The following TENM2 variants were observed in gnomAD, a reference collection of about 807,000 sequenced individuals.
TENM2 encodes the protein teneurin-2.
TENM2 carries 52 observed loss-of-function variants against 245.2 expected under a neutral mutation model. The ratio of observed to expected loss-of-function variants is 0.21; its 90% CI spans 0.17 to 0.27. TENM2 has a LOEUF of 0.27. Ranked by LOEUF, TENM2 falls within the 10% of genes least tolerant of loss-of-function variation. TENM2 has a pLI of 1.00. For missense variants in TENM2, 3,046 were observed against 3,666.8 expected, an observed-to-expected ratio of 0.83 and a Z score of 4.37; for synonymous variants, 1,363 against 1,438.9, an observed-to-expected ratio of 0.95 and a Z score of 1.19.
At chr5:167,705,149 A>G (rs1203573344) in intron 2 of TENM2, among the ~76,000 whole-genome samples, 8 of 152,176 alleles carry the variant, frequency 5.3e-5, no homozygotes, top group Admixed American at 2.6e-4. Flanking sequence ...AGAAGACTGG[A>G]ACTTTTTATG....
chr5:168,249,698 G>A (rs1277122078), intron 27 of TENM2, among the ~76,000 whole-genome samples: 1 of 152,118 alleles, frequency 6.6e-6, no homozygotes, highest in Non-Finnish European at 1.5e-5. Context: ...AGTGAGAAAT[G>A]GGTGAAATGA....
chr5:168,072,161 A>G (rs181663363), intron 7 of TENM2, among the ~76,000 whole-genome samples: 3 of 152,338 alleles, frequency 2.0e-5, no homozygotes, highest in Admixed American at 6.5e-5. Flanking sequence ...TTGATAAACC[A>G]TTGCTAAAGA....
At chr5:167,156,660 A>G in the TENM2 span, among the ~76,000 whole-genome samples, 1 of 152,280 alleles carries the variant, frequency 6.6e-6, no homozygotes, top group East Asian at 1.9e-4. Context: ...CATAGTAGGT[A>G]CTGGCATGTG....
the TENM2 span, among the ~76,000 whole-genome samples, chr5:167,111,495 C>T: frequency 1.6e-4 from 24 of 152,262 alleles, no homozygotes; most frequent in South Asian, 4.2e-4. Context: ...GCACCTGTTG[C>T]GCAAAGAAAA....
In TENM2 at chr5:168,218,368, A is replaced by G. The variant is rs1010963697; in HGVS notation, c.4477A>G (p.Thr1493Ala). Residue 1493 changes from threonine to alanine, a missense_variant, in exon 23 of 29, where the codon ACA (threonine) becomes GCA (alanine). Physicochemically the swap from Thr to Ala is moderately conservative, Grantham distance 58. Transcript: ENST00000518659. This position sits in a 1 kb window ranked among gnomAD's most constrained non-coding sequence, Gnocchi z 5.2. ...CACTGGGGTCCTCTACATCACTGAG[A>G]CAGATGAGAAGAAGATTAACCGTCT... 1 of 1,614,056 alleles carries G rather than the reference A, an allele frequency of 6.2e-7. No individual in the cohort carries two copies. Among genetic ancestry groups the G allele is most frequent in the Non-Finnish European group, 8.5e-7 (1 of 1,179,904 alleles).
chr5:167,470,454 C>CTTTTTTTTTT (rs749016436), intron 2 of TENM2, among the ~76,000 whole-genome samples: 587 of 47,364 alleles, frequency 0.012, 83 homozygotes, highest in Non-Finnish European at 0.015. Flanking sequence ...GCAATGCTTG[C>CTTTTTTTTTT]TTTTTTTTTT....
chr5:167,935,253 T>C (rs1196014427), intron 3 of TENM2, among the ~76,000 whole-genome samples: 1 of 152,204 alleles, frequency 6.6e-6, no homozygotes, highest in African/African-American at 2.4e-5. Context: ...GTCTACTTCC[T>C]GGGACAAGCT....
At chr5:167,460,491 A>G (rs755241885) in intron 2 of TENM2, among the ~76,000 whole-genome samples, 1 of 152,262 alleles carries the variant, frequency 6.6e-6, no homozygotes, top group Admixed American at 6.5e-5. Context: ...TGCACTGAAG[A>G]TGCTGAGTGT....
intron 3 of TENM2, among the ~76,000 whole-genome samples, chr5:167,889,391 C>T (rs1774554527): frequency 6.6e-6 from 1 of 152,184 alleles, no homozygotes. Context: ...GTGGCATTCA[C>T]ACTTGACTAG....
In TENM2 at chr5:168,007,449, A is replaced by G. The variant is rs376486467; in HGVS notation, c.1186+14267A>G. 6.6e-5 allele frequency among the ~76,000 whole-genome samples: 10 copies of G among 152,174 alleles called. No homozygotes were observed. The East Asian group carries it at 1.4e-3, about 21-fold the overall frequency. ...CAGCCAGGCTTTCCTTCTTCAAAGG[A>G]GTGAGATGTGTATTGGAGAGGCTGA... On this transcript the variant is annotated intron_variant, in intron 5 of 28. Transcript: ENST00000518659.
chr5:167,655,741 G>A (rs930907978), intron 2 of TENM2, among the ~76,000 whole-genome samples: 15 of 152,182 alleles, frequency 9.9e-5, no homozygotes, highest in African/African-American at 2.4e-5. Context: ...GTATATGATG[G>A]TGTCATCTAT....
At chr5:167,669,132 T>A (rs1374008192) in intron 2 of TENM2, among the ~76,000 whole-genome samples, 1 of 152,044 alleles carries the variant, frequency 6.6e-6, no homozygotes, top group Non-Finnish European at 1.5e-5. Flanking sequence ...GAATGCAGTA[T>A]GACTTTGGTG....
the TENM2 span, among the ~76,000 whole-genome samples, chr5:167,101,338 C>A: frequency 6.6e-6 from 1 of 152,276 alleles, no homozygotes; most frequent in South Asian, 2.1e-4. Context: ...TATTATGGAA[C>A]ACCATCTATA....
chr5:167,142,797 A>G, the TENM2 span, among the ~76,000 whole-genome samples: 1 of 152,136 alleles, frequency 6.6e-6, no homozygotes, highest in Non-Finnish European at 1.5e-5. Flanking sequence ...TGATCCGTCC[A>G]CCTTGGACTC....
intron 4 of TENM2, among the ~76,000 whole-genome samples, chr5:167,960,990 C>A (rs545779921): frequency 1.3e-5 from 2 of 152,164 alleles, no homozygotes; most frequent in African/African-American, 4.8e-5. Flanking sequence ...GGTGAGGCGA[C>A]GCCCCGCCCT....
intron 3 of TENM2, 47 bp from the exon 6 acceptor site, chr5:167,952,541 G>A: frequency 6.7e-7 from 1 of 1,488,254 alleles, no homozygotes; most frequent in Non-Finnish European, 9.2e-7. Context: ...GAGTGCCTGA[G>A]ACTGGAATTT....
At chr5:167,324,681 A>C (rs1045416212) in intron 1 of TENM2, among the ~76,000 whole-genome samples, 34 of 152,188 alleles carry the variant, frequency 2.2e-4, no homozygotes, top group African/African-American at 9.7e-5. Context: ...GGAAAAAAAA[A>C]CATGGAAATA....
At chr5:167,801,372 G>C (rs925031560) in intron 2 of TENM2, among the ~76,000 whole-genome samples, 13 of 151,792 alleles carry the variant, frequency 8.6e-5, no homozygotes, top group African/African-American at 2.7e-4. Context: ...GTTAGGCCTT[G>C]AAAGTACAGA....
chr5:167,227,188 A>G, the TENM2 span, among the ~76,000 whole-genome samples: 1 of 151,898 alleles, frequency 6.6e-6, no homozygotes. Flanking sequence ...GTTATTGTTG[A>G]TAAGTGTGGT....
Sources: gnomAD v4.1 joint callset for allele counts (sites outside exome capture counted in the v4.1 genomes callset) on GRCh38, gnomAD v4.1.1 for gene constraint, Gnocchi (gnomAD v3.1) non-coding constraint, MANE v1.5 for transcripts, NCBI Gene and HGNC (gene_info 2026-07-23, HGNC 2026-07-21) for gene names.